Variants in ARHGAP32 observed in about 807,000 individuals in gnomAD.
ARHGAP32 encodes the protein rho GTPase-activating protein 32.
A neutral mutation model predicts 186.5 loss-of-function variants in ARHGAP32; 51 were observed. That is an observed-to-expected ratio of 0.27 (90% CI 0.22 to 0.35). The LOEUF is 0.35. ARHGAP32 is among the 10% of genes least tolerant of loss of function. ARHGAP32 has a pLI of 1.00. For missense variants in ARHGAP32, 2,186 were observed against 2,623.5 expected, an observed-to-expected ratio of 0.83 and a Z score of 3.64; for synonymous variants, 950 against 964.3, an observed-to-expected ratio of 0.99 and a Z score of 0.27.
intron 5 of ARHGAP32, among the ~76,000 whole-genome samples, 180 bp from the exon 6 acceptor site, chr11:129,093,887 A>G (rs541438632): frequency 6.6e-6 from 1 of 152,310 alleles, no homozygotes; most frequent in Admixed American, 6.5e-5. Context: ...GGTGTTTCAG[A>G]TAAAATATAT....
At chr11:128,981,390 G>T in intron 17 of ARHGAP32, 26 bp downstream of exon 17, 1 of 1,557,524 alleles carries the variant, frequency 6.4e-7, no homozygotes, top group Non-Finnish European at 8.7e-7. Context: ...ACACCCTCCT[G>T]GTAGGAAGGG....
At chr11:129,141,716 A>G (rs1219063899) in intron 2 of ARHGAP32, among the ~76,000 whole-genome samples, 6 of 151,798 alleles carry the variant, frequency 4.0e-5, no homozygotes, top group Non-Finnish European at 8.8e-5. Flanking sequence ...TCAAAAAAAA[A>G]AACTCTCTGC....
chr11:129,183,449 A>G (rs1037461363), intron 1 of ARHGAP32, among the ~76,000 whole-genome samples: 3 of 152,178 alleles, frequency 2.0e-5, no homozygotes, highest in Admixed American at 2.0e-4. Context: ...TGAAGAAGAC[A>G]TATTCTTCAA....
intron 1 of ARHGAP32, among the ~76,000 whole-genome samples, chr11:129,267,488 T>C (rs1279893739): frequency 1.3e-5 from 2 of 152,056 alleles, no homozygotes; most frequent in East Asian, 1.9e-4. Flanking sequence ...ATCAGTTAAC[T>C]TGACTGATAA....
chr11:128,982,086 G>C (rs369611254), intron 15 of ARHGAP32, 150 bp from the exon 16 acceptor site: 23 of 503,866 alleles, frequency 4.6e-5, no homozygotes, highest in African/African-American at 4.2e-4. Flanking sequence ...CTGCTTAACA[G>C]GTTGAAATAT....
chr11:129,177,522 G>C (rs564204099), intron 1 of ARHGAP32, among the ~76,000 whole-genome samples: 23 of 152,266 alleles, frequency 1.5e-4, no homozygotes, highest in Admixed American at 3.9e-4. Flanking sequence ...GATGAACATT[G>C]ATGCAAAAAC....
chr11:129,003,084 C>T (rs1365036344), intron 11 of ARHGAP32, among the ~76,000 whole-genome samples: 1 of 152,152 alleles, frequency 6.6e-6, no homozygotes, highest in Non-Finnish European at 1.5e-5. Flanking sequence ...GCGTGAGCCA[C>T]CGTGCCCGGC....
chr11:129,089,135 G>A (rs1004375933), intron 6 of ARHGAP32, among the ~76,000 whole-genome samples: 3 of 152,000 alleles, frequency 2.0e-5, no homozygotes, highest in Admixed American at 2.0e-4. Context: ...ACATATGTAG[G>A]ATCAGATTTC....
At chr11:128,990,843 T>G (rs1946026942) in intron 12 of ARHGAP32, among the ~76,000 whole-genome samples, 2 of 152,194 alleles carry the variant, frequency 1.3e-5, no homozygotes, top group Admixed American at 1.3e-4. Context: ...TAGAGATTAC[T>G]GGGATAATTA....
At chr11:129,117,832 A>C (rs956495610) in intron 5 of ARHGAP32, among the ~76,000 whole-genome samples, 1 of 151,466 alleles carries the variant, frequency 6.6e-6, no homozygotes, top group Non-Finnish European at 1.5e-5. Context: ...CCTCAAACTC[A>C]TCATTTCTTT....
chr11:129,094,644 G>C (rs1941678866), intron 5 of ARHGAP32, among the ~76,000 whole-genome samples: 1 of 152,122 alleles, frequency 6.6e-6, no homozygotes, highest in South Asian at 2.1e-4. Flanking sequence ...CTACCCTGTA[G>C]TTTTTTTGCC....
At chr11:129,026,674 T>C (rs914142833) in intron 11 of ARHGAP32, among the ~76,000 whole-genome samples, 5 of 151,640 alleles carry the variant, frequency 3.3e-5, no homozygotes, top group Admixed American at 6.6e-5. Flanking sequence ...ATGCCTGTAA[T>C]CTCAGCTACT....
chr11:129,104,085 C>G (rs1941980895), intron 5 of ARHGAP32, among the ~76,000 whole-genome samples: 1 of 151,988 alleles, frequency 6.6e-6, no homozygotes, highest in African/African-American at 2.4e-5. Context: ...CATACCTAAA[C>G]TATCATGTAA....
rs146625864 is a variant in ARHGAP32, at chr11:129,083,077, A to G, written c.531+10544T>C. 1.5e-3 allele frequency among the ~76,000 whole-genome samples: 225 copies of G among 152,316 alleles called. 1 individual carries two copies. The highest frequency in any genetic ancestry group is 5.0e-3 in the African/African-American group (207 of 41,576). On this transcript the variant is annotated intron_variant, in intron 6 of 22. Transcript: ENST00000682385. ...TCCTTACTTCTGCAAGAATGGCCAT[A>G]ATTTAAAAATAAAAAAATAACATGT...
Position 128,976,645 on chromosome 11 carries a change from A to C in ARHGAP32, c.2123-11T>G, listed in dbSNP as rs1395410170. On this transcript the variant is annotated splice_polypyrimidine_tract_variant and intron_variant, in intron 19 of 22. Coordinates refer to ENST00000682385, the MANE Select transcript of ARHGAP32 (RefSeq NM_001378024.1). ...CTTCTGCCCTGCCACCTGAAGAATA[A>C]AAAACACATAGTGTGAAGATTTCTT... 6.2e-7 allele frequency: 1 copy of C among 1,610,760 alleles called. No individual in the cohort carries two copies. The highest frequency in any genetic ancestry group is 8.5e-7 in the Non-Finnish European group (1 of 1,176,976).
intron 1 of ARHGAP32, among the ~76,000 whole-genome samples, chr11:129,229,366 T>C (rs1011986265): frequency 2.0e-5 from 3 of 152,042 alleles, no homozygotes; most frequent in African/African-American, 4.8e-5. Context: ...AAAAAATATA[T>C]ACAAATTATA....
At chr11:129,117,360 T>G (rs1438262828) in intron 5 of ARHGAP32, among the ~76,000 whole-genome samples, 1 of 152,064 alleles carries the variant, frequency 6.6e-6, no homozygotes, top group Non-Finnish European at 1.5e-5. Context: ...GACAAAACAT[T>G]CAATAAATAT....
intron 1 of ARHGAP32, among the ~76,000 whole-genome samples, chr11:129,173,592 C>G (rs376492705): frequency 6.6e-6 from 1 of 152,202 alleles, no homozygotes; most frequent in African/African-American, 2.4e-5. Flanking sequence ...AAAATTGAAT[C>G]CAGCAGCACA....
chr11:129,148,083 T>C (rs997360927), intron 2 of ARHGAP32, among the ~76,000 whole-genome samples: 13 of 152,156 alleles, frequency 8.5e-5, no homozygotes, highest in Non-Finnish European at 1.3e-4. Context: ...AGGGACAAGA[T>C]AGATGGTGGA....
Sources: gnomAD v4.1 joint callset for allele counts (sites outside exome capture counted in the v4.1 genomes callset) on GRCh38, gnomAD v4.1.1 for gene constraint, MANE v1.5 for transcripts, NCBI Gene and HGNC (gene_info 2026-07-23, HGNC 2026-07-21) for gene names.